The following NCAPD2 variants were observed in gnomAD, a reference collection of about 807,000 sequenced individuals.
NCAPD2 encodes condensin complex subunit 1.
Under a neutral mutation model 164.5 loss-of-function variants are expected in NCAPD2, and 100 were observed. The observed-to-expected ratio is 0.61, with a 90% CI of 0.52 to 0.72. The LOEUF (loss-of-function observed/expected upper bound fraction) is 0.72, where lower values mean the gene tolerates loss of function less well. Ranked by LOEUF, NCAPD2 falls within the 30% of genes least tolerant of loss-of-function variation. The pLI is 0.00. For missense variants in NCAPD2, 1,560 were observed against 1,749.2 expected (o/e 0.89, Z 1.93); for synonymous variants, 585 against 642.6 (o/e 0.91, Z 1.36).
At position 6,530,740 on chromosome 12, in the gene NCAPD2, G is replaced by T. The variant is rs780665574; in HGVS notation, c.3887G>T (p.Gly1296Val). The change falls in exon 30 of 32, where the codon GGT becomes GTT. Residue 1296 changes from glycine to valine, a missense_variant. Coordinates refer to ENST00000315579, the MANE Select transcript of NCAPD2 (RefSeq NM_014865.4). ...EQKLRACHTR[G>V]LDGIKELEIG... Reference sequence around the variant, plus strand: ...AAGCTTCGGGCCTGTCATACCAGAGGTTTGGATGGAATCAAGGAGCTTGAG... The same window carrying T: ...AAGCTTCGGGCCTGTCATACCAGAGTTTTGGATGGAATCAAGGAGCTTGAG... The T allele has an allele frequency of 1.2e-6, 2 of 1,614,174 alleles. No individual in the cohort carries two copies. Among genetic ancestry groups the T allele is most frequent in the South Asian group, 1.1e-5 (1 of 91,086 alleles).
rs140333484 is a variant in NCAPD2 at position 6,528,216 on chromosome 12, C to G, written c.3187C>G (p.Leu1063Val). 31 of 1,614,062 alleles carry G rather than the reference C, an allele frequency of 1.9e-5. No homozygotes were observed. Among genetic ancestry groups the G allele is most frequent in the Non-Finnish European group, 2.5e-5 (30 of 1,180,056 alleles). Residue 1063 changes from leucine (L) to valine (V), a missense_variant, in exon 25 of 32, where the codon CTG becomes GTG. By Grantham distance (32) the Leu-to-Val change is conservative (BLOSUM62 1). Transcript: ENST00000315579. This position sits in a 1 kb window ranked among gnomAD's most constrained non-coding sequence, Gnocchi z 5.1. The part of the protein sequence containing the change: ...DSQLRLLFTM[L>V]EKSPLPIVRS... ...CCAGCTTCGTCTTCTGTTCACCATG[C>G]TGGAAAAGTCTCCACTTCCCATTGT...
At chr12:6,505,496 C>T (rs188544918) in intron 2 of NCAPD2, among the ~76,000 whole-genome samples, 13 of 152,294 alleles carry the variant, frequency 8.5e-5, no homozygotes, top group African/African-American at 2.9e-4. Flanking sequence ...GAAATTATTA[C>T]AGTACTACAG....
At chr12:6,529,671 A>G (rs189064951) in intron 28 of NCAPD2, 78 bp downstream of exon 28, 152 of 1,600,470 alleles carry the variant, frequency 9.5e-5, no homozygotes, top group Middle Eastern at 1.7e-4. Context: ...CACCCCTTCA[A>G]TGCCCCCACT....
intron 2 of NCAPD2, among the ~76,000 whole-genome samples, chr12:6,503,008 CTTTTTTTT>C (rs58563520): frequency 3.5e-5 from 3 of 86,298 alleles, no homozygotes; most frequent in Admixed American, 2.9e-4. Context: ...CCACACCTGG[CTTTTTTTT>C]TTTTTTTTTT....
chr12:6,518,084 T>A (rs190666992), intron 13 of NCAPD2, 125 bp downstream of exon 13: 39 of 876,386 alleles, frequency 4.5e-5, no homozygotes, highest in African/African-American at 3.5e-4. Context: ...TGATGGTAGA[T>A]GTTTTCATGT....
Position 6,527,754 on chromosome 12 carries a change from A to G in NCAPD2, c.2908-23A>G, listed in dbSNP as rs1946329938. On this transcript the variant is annotated intron_variant, in intron 22 of 31. Coordinates refer to ENST00000315579, the MANE Select transcript of NCAPD2 (RefSeq NM_014865.4). ...AAAATGTTGTCTCTGCTTATCCATG[A>G]TCCCCAATTTCATTCCCTTTAGAAT... 2.5e-6 allele frequency: 4 copies of G among 1,591,670 alleles called. No homozygotes were observed. In the South Asian group the frequency reaches 4.5e-5, roughly 18 times the overall value.
intron 29 of NCAPD2, 103 bp downstream of exon 29, chr12:6,530,061 C>T (rs1414322485): frequency 1.5e-6 from 2 of 1,305,468 alleles, no homozygotes; most frequent in Non-Finnish European, 2.1e-6. Context: ...TTCCCGTCCT[C>T]CTTATCCCCA....
At chr12:6,508,478 T>TA (rs1187950431) in intron 2 of NCAPD2, among the ~76,000 whole-genome samples, 1 of 152,162 alleles carries the variant, frequency 6.6e-6, no homozygotes, top group Non-Finnish European at 1.5e-5. Context: ...CAAATATCCC[T>TA]AAGTCCATTC....
chr12:6,498,856 G>A (rs1468362233), intron 2 of NCAPD2, among the ~76,000 whole-genome samples: 2 of 151,928 alleles, frequency 1.3e-5, no homozygotes, highest in Admixed American at 6.6e-5. Context: ...TGCCCACCTC[G>A]GCCTCCCAAA....
Position 6,526,580 on chromosome 12 carries a change from A to C in NCAPD2, c.2699A>C (p.Lys900Thr), listed in dbSNP as rs549446525. 5 of 1,614,160 alleles carry C rather than the reference A, an allele frequency of 3.1e-6. No individual in the cohort carries two copies. The South Asian group carries it at 5.5e-5, about 18-fold the overall frequency. The change falls in exon 21 of 32, where the codon AAG (lysine) becomes ACG (threonine). Residue 900 changes from lysine (K) to threonine (T), a missense_variant. Lys to Thr is a moderately conservative substitution (Grantham distance 78, BLOSUM62 -1). Transcript: ENST00000315579. Reference protein sequence around the residue: ...LQGCAKQALEKLEEKRTSQED... With the variant: ...LQGCAKQALETLEEKRTSQED... ...GGCTGTGCAAAACAGGCCCTGGAGA[A>C]GCTAGAAGAGAAGAGAACCAGTCAG...
In NCAPD2 at chr12:6,531,570, C is replaced by A; in HGVS notation, c.*158C>A. ...CCTGTAATCCCAGCACTTTGCGATACCAAGGCGGGTGGATAACCTGAGGTA... is the reference window on the plus strand; with the variant it reads ...CCTGTAATCCCAGCACTTTGCGATAACAAGGCGGGTGGATAACCTGAGGTA... On this transcript the variant is annotated 3_prime_UTR_variant, in exon 32 of 32. Coordinates refer to ENST00000315579, the MANE Select transcript of NCAPD2 (RefSeq NM_014865.4). This position sits in a 1 kb window ranked among gnomAD's most constrained non-coding sequence, Gnocchi z 4.1. 6.9e-7 allele frequency: 1 copy of A among 1,452,232 alleles called. No individual in the cohort carries two copies. Among genetic ancestry groups the A allele is most frequent in the Non-Finnish European group, 9.2e-7 (1 of 1,082,418 alleles). The allele number at this position is 1,452,232 out of a possible 1,614,324, so 90.0% of individuals were successfully genotyped here.
rs775785375 is a variant in NCAPD2, at chr12:6,514,461, C to T, written c.716-3C>T. 5 of 1,614,098 alleles carry T rather than the reference C, an allele frequency of 3.1e-6. No homozygotes were observed. Among genetic ancestry groups the T allele is most frequent in the Non-Finnish European group, 2.5e-6 (3 of 1,180,052 alleles). ...TAATTTCTCATGTTTAATGCTTCCACAGGTGCTACAGTGAAGATCATCCAG... is the reference window on the plus strand; with the variant it reads ...TAATTTCTCATGTTTAATGCTTCCATAGGTGCTACAGTGAAGATCATCCAG... On this transcript the variant is annotated splice_polypyrimidine_tract_variant and splice_region_variant and intron_variant, in intron 7 of 31. Transcript: ENST00000315579.
In NCAPD2 at chr12:6,531,410, T is replaced by C; in HGVS notation, c.4204T>C (p.Ter1402GlnextTer15). ...LRASARRHRS[*>Q] ...AGCATCGGCTCGCAGGCACAGATCC[T>C]AGGAAGTCTGTTCCTGTCCTCCCTG... The change falls in exon 32 of 32, where the codon TAG becomes CAG. Residue 1402 changes from the stop codon to glutamine, a stop_lost. Transcript: ENST00000315579. The surrounding 1 kb of genome is among the most constrained non-coding windows in gnomAD (Gnocchi z 4.1). The C allele has an allele frequency of 6.2e-7, 1 of 1,613,374 alleles. No homozygotes were observed. The highest frequency in any genetic ancestry group is 8.5e-7 in the Non-Finnish European group (1 of 1,179,700).
chr12:6,517,426 A>C lies in NCAPD2; in HGVS notation c.1247A>C (p.Lys416Thr), dbSNP rs1413344653. 1 of 1,614,264 alleles carries C rather than the reference A, an allele frequency of 6.2e-7. No individual in the cohort carries two copies. Among genetic ancestry groups the C allele is most frequent in the South Asian group, 1.1e-5 (1 of 91,090 alleles). Reference protein sequence around the residue: ...VALAVGRLADKSVLVCKNAIQ... With the variant: ...VALAVGRLADTSVLVCKNAIQ... ...TTAGCTGTGGGACGTCTGGCAGACAAGTCAGTGCTAGTATGTAAAAATGCC... is the reference window on the plus strand; with the variant it reads ...TTAGCTGTGGGACGTCTGGCAGACACGTCAGTGCTAGTATGTAAAAATGCC... The change falls in exon 11 of 32, where the codon AAG becomes ACG. Residue 416 changes from lysine (K) to threonine (T), a missense_variant. Lys to Thr is a moderately conservative substitution (Grantham distance 78). Coordinates refer to ENST00000315579, the MANE Select transcript of NCAPD2 (RefSeq NM_014865.4).
At chr12:6,511,398 T>C in intron 6 of NCAPD2, 146 bp downstream of exon 6, 1 of 975,458 alleles carries the variant, frequency 1.0e-6, no homozygotes, top group African/African-American at 1.7e-5. Flanking sequence ...AGTGGTTCAA[T>C]CTCGGCTCAC....
At chr12:6,517,241 A>T in intron 10 of NCAPD2, 124 bp from the exon 11 acceptor site, 3 of 1,417,946 alleles carry the variant, frequency 2.1e-6, no homozygotes, top group Non-Finnish European at 2.9e-6. Context: ...CTCCTAATCT[A>T]TATTCTGTAG....
intron 17 of NCAPD2, among the ~76,000 whole-genome samples, chr12:6,523,760 G>A (rs1013150806): frequency 6.6e-6 from 1 of 152,182 alleles, no homozygotes; most frequent in East Asian, 1.9e-4. Flanking sequence ...AGAAGTATAA[G>A]ACTATTTGCT....
Position 6,530,934 on chromosome 12 carries a change from G to C in NCAPD2, c.3978G>C (p.Gln1326His). 1 of 1,614,142 alleles carries C rather than the reference G, an allele frequency of 6.2e-7. No individual in the cohort carries two copies. The highest frequency in any genetic ancestry group is 1.1e-5 in the South Asian group (1 of 91,086). Residue 1326 changes from glutamine (Q) to histidine (H), a missense_variant, in exon 31 of 32, where the codon CAG (glutamine) becomes CAC (histidine). Gln to His is a conservative substitution (Grantham distance 24, BLOSUM62 0). Coordinates refer to ENST00000315579, the MANE Select transcript of NCAPD2 (RefSeq NM_014865.4). ...TGCCTTTTCTAGGTTCTAGGTACCAGCCTCTGGCTTCTACAGCCTCAGACA... is the reference window on the plus strand; with the variant it reads ...TGCCTTTTCTAGGTTCTAGGTACCACCCTCTGGCTTCTACAGCCTCAGACA... ...AKKPSTGSRY[Q>H]PLASTASDND...
intron 2 of NCAPD2, among the ~76,000 whole-genome samples, chr12:6,502,901 A>G (rs1946051357): frequency 6.6e-6 from 1 of 151,796 alleles, no homozygotes; most frequent in African/African-American, 2.4e-5. Context: ...CCCAGGCTGG[A>G]ATACAGTGGC....
Sources: allele counts gnomAD v4.1 joint callset (sites outside exome capture counted in the v4.1 genomes callset), GRCh38; gene constraint gnomAD v4.1.1; non-coding constraint Gnocchi (gnomAD v3.1); transcripts MANE v1.5; gene names NCBI Gene and HGNC (gene_info 2026-07-23, HGNC 2026-07-21).